Variants in ARHGAP12 observed in about 807,000 individuals in gnomAD.
ARHGAP12 encodes the protein rho GTPase-activating protein 12.
ARHGAP12 carries 64 observed loss-of-function variants against 108.6 expected under a neutral mutation model. The observed-to-expected ratio is 0.59, with a 90% CI of 0.48 to 0.73. The LOEUF (loss-of-function observed/expected upper bound fraction) is 0.73, where lower values mean the gene tolerates loss of function less well. Among genes scored for constraint, ARHGAP12 ranks in the 30% least tolerant of loss-of-function variants. ARHGAP12 has a pLI of 0.00. For synonymous variants in ARHGAP12, 312 were observed against 337.2 expected (o/e 0.93, Z 0.82); for missense variants, 940 against 1,005.9 (o/e 0.93, Z 0.89).
intron 3 of ARHGAP12, among the ~76,000 whole-genome samples, chr10:31,872,510 A>T (rs915015960): frequency 6.6e-6 from 1 of 152,152 alleles, no homozygotes; most frequent in African/African-American, 2.4e-5. Flanking sequence ...TTACCCCAAC[A>T]AAGTACTACT....
intron 3 of ARHGAP12, among the ~76,000 whole-genome samples, chr10:31,896,501 GTCCTATCATTT>G (rs1413302191): frequency 2.1e-4 from 32 of 152,100 alleles, no homozygotes; most frequent in African/African-American, 7.7e-4. Context: ...ATAGAGAAAA[GTCCTATCATTT>G]CTACTCCCCA....
At position 31,858,211 on chromosome 10, in the gene ARHGAP12, A is replaced by C. The variant is rs577524199; in HGVS notation, c.948+3184T>G. 8.5e-5 allele frequency among the ~76,000 whole-genome samples: 13 copies of C among 152,288 alleles called. No homozygotes were observed. The South Asian group carries it at 2.5e-3, about 29-fold the overall frequency. ...CAGAGCAAAACCCTGTCTCCTGCCA[A>C]AAAAGGCTCATATTTATGACAGAAG... On this transcript the variant is annotated intron_variant, in intron 4 of 19. Coordinates refer to ENST00000344936, the MANE Select transcript of ARHGAP12 (RefSeq NM_018287.7).
chr10:31,836,227 C>G (rs1836010003), intron 9 of ARHGAP12, among the ~76,000 whole-genome samples: 2 of 152,054 alleles, frequency 1.3e-5, no homozygotes, highest in South Asian at 4.1e-4. Flanking sequence ...TATCAAAGCT[C>G]AAGTTTCTGA....
chr10:31,874,086 A>G (rs545722548), intron 3 of ARHGAP12, among the ~76,000 whole-genome samples: 2 of 152,336 alleles, frequency 1.3e-5, no homozygotes, highest in African/African-American at 4.8e-5. Context: ...TGAAAAAACT[A>G]TCTGTGATCA....
Position 31,878,055 on chromosome 10 carries a change from C to A in ARHGAP12, c.685-16397G>T, listed in dbSNP as rs188727431. Among the ~76,000 whole-genome samples the A allele has an allele frequency of 1.8e-4, 27 of 152,182 alleles. No individual in the cohort carries two copies. In the East Asian group the frequency reaches 2.3e-3, roughly 13 times the overall value. On this transcript the variant is annotated intron_variant, in intron 3 of 19. Transcript: ENST00000344936. Reference sequence around the variant, plus strand: ...GCTCCAGCCTGGGTGACACAGGAGACCCTGTCTCACAAAAATAAAAAATAA... The same window carrying A: ...GCTCCAGCCTGGGTGACACAGGAGAACCTGTCTCACAAAAATAAAAAATAA...
chr10:31,910,784 T>C (rs1364523497), intron 1 of ARHGAP12, among the ~76,000 whole-genome samples: 1 of 152,236 alleles, frequency 6.6e-6, no homozygotes, highest in African/African-American at 2.4e-5. Flanking sequence ...CCTCTCCCAC[T>C]GTACTTCCAC....
chr10:31,852,125 A>G (rs1384027502), intron 6 of ARHGAP12, among the ~76,000 whole-genome samples: 1 of 152,210 alleles, frequency 6.6e-6, no homozygotes, highest in African/African-American at 2.4e-5. Flanking sequence ...ACATAAGAGG[A>G]TAAACTTGAA....
At chr10:31,909,632 A>T (rs1839269807) in intron 2 of ARHGAP12, among the ~76,000 whole-genome samples, 2 of 152,224 alleles carry the variant, frequency 1.3e-5, no homozygotes, top group Non-Finnish European at 2.9e-5. Context: ...ACAGTGGCTT[A>T]CACCTATATT....
At chr10:31,927,218 G>C (rs955879089) in intron 1 of ARHGAP12, among the ~76,000 whole-genome samples, 1 of 152,024 alleles carries the variant, frequency 6.6e-6, no homozygotes, top group East Asian at 1.9e-4. Context: ...GCTCTGAAAC[G>C]TTTCCAAGGC....
At chr10:31,919,580 C>G (rs1323898580) in intron 1 of ARHGAP12, among the ~76,000 whole-genome samples, 2 of 138,240 alleles carry the variant, frequency 1.4e-5, no homozygotes, top group African/African-American at 2.7e-5. Context: ...ATCACAAGGT[C>G]AGGAGATCAA....
chr10:31,928,277 A>C (rs1208663554), intron 1 of ARHGAP12, among the ~76,000 whole-genome samples: 1 of 136,278 alleles, frequency 7.3e-6, no homozygotes, highest in East Asian at 2.6e-4. Flanking sequence ...TTGTGCACAC[A>C]CGCGCGCACT....
At chr10:31,861,039 A>G (rs1564395643) in intron 4 of ARHGAP12, among the ~76,000 whole-genome samples, 1 of 152,234 alleles carries the variant, frequency 6.6e-6, no homozygotes. Flanking sequence ...TGGGCAACAG[A>G]GCTAGACTCC....
intron 7 of ARHGAP12, among the ~76,000 whole-genome samples, chr10:31,840,128 T>C (rs555998830): frequency 3.0e-4 from 45 of 152,040 alleles, no homozygotes; most frequent in Admixed American, 7.2e-4. Flanking sequence ...GTCACAGAAA[T>C]ACCTTAGCAA....
chr10:31,843,365 G>C, intron 7 of ARHGAP12, 96 bp downstream of exon 7: 1 of 1,292,368 alleles, frequency 7.7e-7, no homozygotes, highest in Non-Finnish European at 1.1e-6. Context: ...TTTTAGCAAA[G>C]AATATTTACT....
At position 31,925,602 on chromosome 10, in the gene ARHGAP12, T is replaced by TCCCA. The variant is rs1356586862; in HGVS notation, c.-111+3077_-111+3080dup. Among the ~76,000 whole-genome samples, 12 of 152,314 alleles carry TCCCA rather than the reference T, an allele frequency of 7.9e-5. No homozygotes were observed. In the East Asian group the frequency reaches 2.3e-3, roughly 29 times the overall value. On this transcript the variant is annotated intron_variant, in intron 1 of 19. Transcript: ENST00000344936. ...ACCACATATACATTGTATAGCCATA[T>TCCCA]CCCAGAGCGTTTTCAAACCACAGAT...
At chr10:31,848,239 G>A (rs1020082195) in intron 6 of ARHGAP12, among the ~76,000 whole-genome samples, 1 of 152,210 alleles carries the variant, frequency 6.6e-6, no homozygotes, top group Admixed American at 6.5e-5. Context: ...TAATACTAGA[G>A]TAAGAATGGA....
intron 3 of ARHGAP12, among the ~76,000 whole-genome samples, chr10:31,897,295 C>A (rs1351831388): frequency 6.6e-6 from 1 of 152,150 alleles, no homozygotes; most frequent in Non-Finnish European, 1.5e-5. Flanking sequence ...GACTCCACAT[C>A]CCTGGTCTTG....
intron 13 of ARHGAP12, 122 bp from the exon 14 acceptor site, chr10:31,814,483 G>C (rs1482014688): frequency 1.4e-6 from 1 of 739,720 alleles, no homozygotes; most frequent in Non-Finnish European, 2.3e-6. Flanking sequence ...AAACCAATTA[G>C]TATACAGTAT....
intron 3 of ARHGAP12, among the ~76,000 whole-genome samples, chr10:31,878,609 G>A (rs1016912360): frequency 2.6e-5 from 4 of 152,068 alleles, no homozygotes; most frequent in Non-Finnish European, 4.4e-5. Flanking sequence ...TATAGTATAG[G>A]GATAAGCAAA....
Sources: gnomAD v4.1 joint callset for allele counts (sites outside exome capture counted in the v4.1 genomes callset) on GRCh38, gnomAD v4.1.1 for gene constraint, MANE v1.5 for transcripts, NCBI Gene and HGNC (gene_info 2026-07-23, HGNC 2026-07-21) for gene names.